Variants in TMEM163 observed in about 807,000 individuals in gnomAD.
TMEM163 encodes transmembrane protein 163.
TMEM163 carries 17 observed loss-of-function variants against 29.3 expected under a neutral mutation model. The observed-to-expected ratio is 0.58, with a 90% confidence interval of 0.40 to 0.87. The LOEUF is 0.87. Among genes scored for constraint, TMEM163 ranks in the 40% least tolerant of loss-of-function variants. The pLI, the probability that TMEM163 is intolerant of heterozygous loss-of-function variation, is 0.00. For synonymous variants in TMEM163, 157 were observed against 160.6 expected, an observed-to-expected ratio of 0.98 and a Z score of 0.17; for missense variants, 303 against 381.5, an observed-to-expected ratio of 0.79 and a Z score of 1.71.
In TMEM163 at chr2:134,542,514, C is replaced by T. The variant is rs186431334; in HGVS notation, c.458+8056G>A. On this transcript the variant is annotated intron_variant, in intron 4 of 7. Transcript: ENST00000281924. ...CCTGCTTTATCTGTATTTATAGCCACGCCCCGTCACTCGCATTACCGCCTG... is the reference window on the plus strand; with the variant it reads ...CCTGCTTTATCTGTATTTATAGCCATGCCCCGTCACTCGCATTACCGCCTG... Among the ~76,000 whole-genome samples, 15 of 152,324 alleles carry T rather than the reference C, an allele frequency of 9.8e-5. No individual in the cohort carries two copies. In the East Asian group the frequency reaches 1.5e-3, roughly 16 times the overall value.
chr2:134,674,977 C>T (rs1454031841), intron 2 of TMEM163, among the ~76,000 whole-genome samples: 2 of 152,190 alleles, frequency 1.3e-5, no homozygotes, highest in Admixed American at 6.5e-5. Context: ...TCCCTGAATA[C>T]GTACATAATT....
chr2:134,469,285 C>A (rs1460895293), intron 5 of TMEM163: 1 of 152,078 alleles, frequency 6.6e-6, no homozygotes, highest in South Asian at 2.1e-4. Flanking sequence ...GCCCCGAGGT[C>A]CAGCTCCTGG....
chr2:134,716,904 G>A (rs575727400), intron 1 of TMEM163, among the ~76,000 whole-genome samples: 10 of 152,294 alleles, frequency 6.6e-5, no homozygotes, highest in South Asian at 4.1e-4. Flanking sequence ...ACACAGCACC[G>A]GGTTCTTTGG....
chr2:134,626,254 G>A (rs1165227460), intron 2 of TMEM163, among the ~76,000 whole-genome samples: 1 of 151,940 alleles, frequency 6.6e-6, no homozygotes, highest in Non-Finnish European at 1.5e-5. Context: ...ATAGGCATGT[G>A]CTACCACGCC....
At chr2:134,669,816 C>T (rs1047648531) in intron 2 of TMEM163, among the ~76,000 whole-genome samples, 26 of 152,294 alleles carry the variant, frequency 1.7e-4, no homozygotes, top group African/African-American at 6.3e-4. Context: ...GCAAGGCCAC[C>T]ATGCTAGAGG....
chr2:134,613,730 A>G (rs1476405546), intron 2 of TMEM163, among the ~76,000 whole-genome samples: 1 of 152,186 alleles, frequency 6.6e-6, no homozygotes, highest in Non-Finnish European at 1.5e-5. Flanking sequence ...TTAAAGAGGC[A>G]ATACCATTTA....
chr2:134,533,841 G>A (rs892010606), intron 4 of TMEM163, among the ~76,000 whole-genome samples: 4 of 152,178 alleles, frequency 2.6e-5, no homozygotes, highest in Non-Finnish European at 4.4e-5. Context: ...AACACACCAC[G>A]CTGGTCTCAC....
In TMEM163 at chr2:134,718,775, A is replaced by T; in HGVS notation, c.161T>A (p.Ile54Asn). 8.7e-7 allele frequency: 1 copy of T among 1,153,218 alleles called. No individual in the cohort carries two copies. Among genetic ancestry groups the T allele is most frequent in the Non-Finnish European group, 1.1e-6 (1 of 937,686 alleles). 71.4% of individuals were successfully genotyped at this position (1,153,218 alleles called of 1,614,324 possible). A position where few individuals can be genotyped will look rare whatever the true frequency, so the allele number is the denominator to read the frequency against. ...GTCGCTGAACTGGCCGCTCTCGCTGATCCGCACCTGCCGCTCCTCCTCCAG... is the reference window on the plus strand; with the variant it reads ...GTCGCTGAACTGGCCGCTCTCGCTGTTCCGCACCTGCCGCTCCTCCTCCAG... ...PQLEEERQVR[I>N]SESGQFSDGL... Residue 54 changes from isoleucine (I) to asparagine (N), a missense_variant, in exon 1 of 8, where the codon ATC (isoleucine) becomes AAC (asparagine). Transcript: ENST00000281924.
chr2:134,491,928 C>G (rs1679438443), intron 5 of TMEM163, among the ~76,000 whole-genome samples: 1 of 152,180 alleles, frequency 6.6e-6, no homozygotes, highest in Non-Finnish European at 1.5e-5. Context: ...ACAAATCCTA[C>G]TGTAAGCAGG....
intron 5 of TMEM163, among the ~76,000 whole-genome samples, chr2:134,499,713 G>A (rs1679658947): frequency 6.6e-6 from 1 of 152,218 alleles, no homozygotes; most frequent in African/African-American, 2.4e-5. Context: ...CTGGGGAAGG[G>A]AAGACGCTGT....
chr2:134,528,846 T>C (rs1680351455), intron 4 of TMEM163, among the ~76,000 whole-genome samples: 1 of 152,190 alleles, frequency 6.6e-6, no homozygotes, highest in Admixed American at 6.5e-5. Flanking sequence ...TATGTTATAA[T>C]AGGAGAAGAA....
intron 2 of TMEM163, among the ~76,000 whole-genome samples, chr2:134,650,680 C>T (rs1363768118): frequency 2.1e-5 from 3 of 139,906 alleles, no homozygotes; most frequent in Admixed American, 7.0e-5. Context: ...TCTCCCAATG[C>T]TATCCCTCAC....
chr2:134,649,052 A>T (rs950760437), intron 2 of TMEM163, among the ~76,000 whole-genome samples: 1 of 152,230 alleles, frequency 6.6e-6, no homozygotes, highest in Non-Finnish European at 1.5e-5. Context: ...TAATTCTCAG[A>T]CCTGCGACAT....
intron 4 of TMEM163, among the ~76,000 whole-genome samples, chr2:134,510,956 T>C (rs1311222277): frequency 6.6e-6 from 1 of 152,130 alleles, no homozygotes; most frequent in Non-Finnish European, 1.5e-5. Context: ...GCACAGGGAA[T>C]GCATGCGGAG....
At chr2:134,569,631 C>T (rs768068212) in intron 2 of TMEM163, among the ~76,000 whole-genome samples, 6 of 151,964 alleles carry the variant, frequency 3.9e-5, no homozygotes, top group Non-Finnish European at 7.4e-5. Flanking sequence ...AAAATAAGAT[C>T]GTATTCTGTT....
intron 2 of TMEM163, among the ~76,000 whole-genome samples, chr2:134,553,002 C>T (rs552464477): frequency 2.0e-5 from 3 of 152,266 alleles, no homozygotes; most frequent in Admixed American, 2.0e-4. Flanking sequence ...TTGGGTAGCA[C>T]TTTTTCCTAA....
chr2:134,557,446 T>A (rs539377155), intron 2 of TMEM163, among the ~76,000 whole-genome samples: 18 of 152,338 alleles, frequency 1.2e-4, no homozygotes, highest in Non-Finnish European at 1.8e-4. Flanking sequence ...CCTGACCGCA[T>A]GTGCCCAAAG....
intron 4 of TMEM163, among the ~76,000 whole-genome samples, chr2:134,536,104 A>G (rs1371580573): frequency 6.6e-6 from 1 of 152,240 alleles, no homozygotes; most frequent in Non-Finnish European, 1.5e-5. Flanking sequence ...TTCAAGTCTC[A>G]CAGCAATGTC....
intron 2 of TMEM163, among the ~76,000 whole-genome samples, chr2:134,680,526 C>T (rs1398557378): frequency 6.6e-6 from 1 of 152,168 alleles, no homozygotes; most frequent in Non-Finnish European, 1.5e-5. Context: ...ACAAATCTTT[C>T]ACTTTCTTAT....
Sources: gnomAD v4.1 joint callset for allele counts (sites outside exome capture counted in the v4.1 genomes callset) on GRCh38, gnomAD v4.1.1 for gene constraint, MANE v1.5 for transcripts, NCBI Gene and HGNC (gene_info 2026-07-23, HGNC 2026-07-21) for gene names.